Variants in GNAQ observed in about 807,000 individuals in gnomAD.
The protein encoded by GNAQ is G protein subunit alpha q.
GNAQ carries 8 observed loss-of-function variants against 43.9 expected under a neutral mutation model. The ratio of observed to expected loss-of-function variants is 0.18; its 90% CI spans 0.11 to 0.33. The LOEUF is 0.33. Among genes scored for constraint, GNAQ ranks in the 10% least tolerant of loss-of-function variants. The probability of loss-of-function intolerance (pLI) is 1.00; values close to 1 mark genes in which losing one functional copy is unlikely to be tolerated. For synonymous variants in GNAQ, 155 were observed against 170.7 expected, an observed-to-expected ratio of 0.91 and a Z score of 0.71; for missense variants, 158 against 450.8, an observed-to-expected ratio of 0.35 and a Z score of 5.88.
rs891842173 is a variant in GNAQ at position 77,859,846 on chromosome 9, G to A, written c.322-44076C>T. 1.6e-4 allele frequency among the ~76,000 whole-genome samples: 25 copies of A among 152,266 alleles called. 1 individual carries two copies. Among genetic ancestry groups the A allele is most frequent in the Non-Finnish European group, 1.5e-4 (10 of 68,020 alleles). On this transcript the variant is annotated intron_variant, in intron 2 of 6. Transcript: ENST00000286548. The stretch of plus-strand genomic sequence containing the variant: ...AGTAATTGCTTGACCCTACCTTACA[G>A]TTATTCTTGGTCTCAAAAAAGTGAA...
intron 5 of GNAQ, among the ~76,000 whole-genome samples, chr9:77,760,775 C>T (rs1354123866): frequency 5.3e-5 from 8 of 152,048 alleles, no homozygotes; most frequent in African/African-American, 1.7e-4. Context: ...CGCCTCTTCC[C>T]GGCCGCCATC....
intron 5 of GNAQ, among the ~76,000 whole-genome samples, chr9:77,746,999 T>C (rs934444981): frequency 1.3e-5 from 2 of 152,122 alleles, no homozygotes; most frequent in African/African-American, 4.8e-5. Flanking sequence ...AACTGATTGA[T>C]TTTTAAACTT....
intron 5 of GNAQ, among the ~76,000 whole-genome samples, chr9:77,733,517 A>G (rs1000921091): frequency 1.3e-5 from 2 of 152,082 alleles, no homozygotes; most frequent in African/African-American, 2.4e-5. Flanking sequence ...GTGGCCCACA[A>G]TGCTGTCCCC....
intron 1 of GNAQ, among the ~76,000 whole-genome samples, chr9:78,015,827 G>C (rs956248909): frequency 1.1e-4 from 17 of 151,588 alleles, no homozygotes; most frequent in African/African-American, 4.1e-4. Context: ...TGCTACATAG[G>C]GACATGTAAT....
intron 6 of GNAQ, among the ~76,000 whole-genome samples, chr9:77,728,069 A>G (rs1166030197): frequency 6.6e-6 from 1 of 151,764 alleles, no homozygotes; most frequent in African/African-American, 2.4e-5. Flanking sequence ...ATCTTGGCTC[A>G]CTGCAACCTC....
rs148070980 is a variant in GNAQ, at chr9:77,983,292, T to C, written c.136+47808A>G. Among the ~76,000 whole-genome samples the C allele has an allele frequency of 4.3e-3, 652 of 152,338 alleles. 2 individuals are homozygous for C. The Middle Eastern group carries it at 0.044, about 10-fold the overall frequency. On this transcript the variant is annotated intron_variant, in intron 1 of 6. Transcript: ENST00000286548. ...CATGCTTTCATAGAAAGCAACTGCG[T>C]CATTTTAGGTAAGAGGGCTGACCTA...
At chr9:77,956,946 A>G (rs1344437091) in intron 1 of GNAQ, among the ~76,000 whole-genome samples, 1 of 152,214 alleles carries the variant, frequency 6.6e-6, no homozygotes, top group Non-Finnish European at 1.5e-5. Flanking sequence ...ATCCTGATGG[A>G]CAAGCAAAGG....
intron 2 of GNAQ, among the ~76,000 whole-genome samples, chr9:77,898,507 A>G (rs1446672698): frequency 6.6e-6 from 1 of 152,176 alleles, no homozygotes; most frequent in Non-Finnish European, 1.5e-5. Context: ...CAGGTTAGCA[A>G]TTCAAGAGCA....
At chr9:77,789,412 A>G (rs1826531786) in intron 5 of GNAQ, among the ~76,000 whole-genome samples, 1 of 152,160 alleles carries the variant, frequency 6.6e-6, no homozygotes. Flanking sequence ...AGTAAGAAAA[A>G]GATAACCCAA....
At chr9:77,940,679 G>C (rs985307140) in intron 1 of GNAQ, among the ~76,000 whole-genome samples, 1 of 152,186 alleles carries the variant, frequency 6.6e-6, no homozygotes, top group Non-Finnish European at 1.5e-5. Flanking sequence ...TTTAAAATTT[G>C]CAAGTCGGCT....
intron 1 of GNAQ, among the ~76,000 whole-genome samples, chr9:78,029,937 G>C (rs1316505352): frequency 6.6e-6 from 1 of 152,170 alleles, no homozygotes; most frequent in Non-Finnish European, 1.5e-5. Context: ...CAGTAGCTCA[G>C]GGTTCTGTCA....
chr9:77,985,239 G>A (rs1490541463), intron 1 of GNAQ, among the ~76,000 whole-genome samples: 2 of 152,200 alleles, frequency 1.3e-5, no homozygotes, highest in Non-Finnish European at 2.9e-5. Context: ...CATGAACCCA[G>A]GAGGCGGAGC....
chr9:77,752,019 G>A (rs1330847015), intron 5 of GNAQ, among the ~76,000 whole-genome samples: 1 of 152,188 alleles, frequency 6.6e-6, no homozygotes, highest in Non-Finnish European at 1.5e-5. Flanking sequence ...ATCAAAGAGT[G>A]CTTGTAAATG....
intron 2 of GNAQ, among the ~76,000 whole-genome samples, chr9:77,822,611 C>A (rs1827134205): frequency 1.4e-5 from 2 of 140,646 alleles, no homozygotes; most frequent in African/African-American, 2.7e-5. Context: ...ATAAAAAGAA[C>A]AAGCTTTTTG....
At chr9:77,832,824 G>C (rs958647269) in intron 2 of GNAQ, among the ~76,000 whole-genome samples, 1 of 150,368 alleles carries the variant, frequency 6.7e-6, no homozygotes, top group African/African-American at 2.4e-5. Flanking sequence ...CAAGAGGAGA[G>C]GGGGGAGCTA....
chr9:77,879,420 CA>C (rs1209688885), intron 2 of GNAQ, among the ~76,000 whole-genome samples: 2 of 152,228 alleles, frequency 1.3e-5, no homozygotes, highest in Non-Finnish European at 2.9e-5. Flanking sequence ...CCCACCACCA[CA>C]TCCAGCTTTG....
chr9:78,027,446 A>G (rs1162184058), intron 1 of GNAQ, among the ~76,000 whole-genome samples: 1 of 152,124 alleles, frequency 6.6e-6, no homozygotes, highest in Non-Finnish European at 1.5e-5. Flanking sequence ...CTCTACTCTC[A>G]TATGTTTGCA....
At chr9:77,946,816 T>C (rs17725119) in intron 1 of GNAQ, among the ~76,000 whole-genome samples, 6,275 of 152,262 alleles carry the variant, frequency 0.041, 189 homozygotes, top group Non-Finnish European at 0.055. Flanking sequence ...TTTGAGCAAG[T>C]TGAGGGACCT....
intron 5 of GNAQ, among the ~76,000 whole-genome samples, chr9:77,764,646 G>A (rs1310971125): frequency 1.3e-5 from 2 of 151,912 alleles, no homozygotes; most frequent in African/African-American, 2.4e-5. Flanking sequence ...TAGTAGAGAC[G>A]GGGTTTCACC....
Sources: gnomAD v4.1 joint callset for allele counts (sites outside exome capture counted in the v4.1 genomes callset) on GRCh38, gnomAD v4.1.1 for gene constraint, MANE v1.5 for transcripts, NCBI Gene and HGNC (gene_info 2026-07-23, HGNC 2026-07-21) for gene names.